Variants in PCSK6 observed in about 807,000 individuals in gnomAD.
PCSK6 encodes the protein proprotein convertase subtilisin/kexin type 6.
Under a neutral mutation model 123.3 loss-of-function variants are expected in PCSK6, and 85 were observed. That is an observed-to-expected ratio of 0.69 (90% CI 0.58 to 0.83). PCSK6 has a LOEUF of 0.83. Ranked by LOEUF, PCSK6 falls within the 40% of genes least tolerant of loss-of-function variation. PCSK6 has a pLI of 0.00. For synonymous variants in PCSK6, 508 were observed against 516.0 expected, an observed-to-expected ratio of 0.98 and a Z score of 0.21; for missense variants, 1,191 against 1,282.3, an observed-to-expected ratio of 0.93 and a Z score of 1.09.
intron 6 of PCSK6, among the ~76,000 whole-genome samples, chr15:101,414,917 AC>A (rs2055833641): frequency 6.6e-6 from 1 of 152,240 alleles, no homozygotes; most frequent in Non-Finnish European, 1.5e-5. Context: ...TGCTTATAAA[AC>A]CAACATTAGA....
At chr15:101,454,877 G>A (rs61652817) in intron 1 of PCSK6, among the ~76,000 whole-genome samples, 2,810 of 152,098 alleles carry the variant, frequency 0.018, 92 homozygotes, top group African/African-American at 0.064. Context: ...CCCAGGAGGC[G>A]GAGGTTGCAG....
chr15:101,400,145 C>A (rs1206312135), intron 6 of PCSK6, among the ~76,000 whole-genome samples: 1 of 152,244 alleles, frequency 6.6e-6, no homozygotes, highest in Non-Finnish European at 1.5e-5. Flanking sequence ...CCACCTCAGC[C>A]TCCCGAGTAG....
chr15:101,379,791 G>A (rs1311585910), intron 11 of PCSK6, among the ~76,000 whole-genome samples: 4 of 152,214 alleles, frequency 2.6e-5, no homozygotes, highest in East Asian at 1.9e-4. Flanking sequence ...GGGAAAACTC[G>A]CATAGCTGTG....
In PCSK6 at chr15:101,378,143, C is replaced by A. The variant is rs190582439; in HGVS notation, c.1532+3949G>T. On this transcript the variant is annotated intron_variant, in intron 11 of 21. Coordinates refer to ENST00000611716, the MANE Select transcript of PCSK6 (RefSeq NM_002570.5). ...TAATACTAAGCTTAATTTTCTTTTT[C>A]ATTTGAAGAAAAGATATAAAAATAT... 3.4e-3 allele frequency among the ~76,000 whole-genome samples: 525 copies of A among 152,312 alleles called. 1 individual carries two copies. The highest frequency in any genetic ancestry group is 5.4e-3 in the Non-Finnish European group (367 of 68,008).
At chr15:101,390,638 G>A (rs1415172619) in intron 8 of PCSK6, among the ~76,000 whole-genome samples, 1 of 152,166 alleles carries the variant, frequency 6.6e-6, no homozygotes, top group Non-Finnish European at 1.5e-5. Context: ...CCAGCTGACA[G>A]CCCACAAGGA....
chr15:101,439,058 T>G (rs964161762), intron 2 of PCSK6, among the ~76,000 whole-genome samples: 2 of 151,986 alleles, frequency 1.3e-5, no homozygotes, highest in Non-Finnish European at 2.9e-5. Context: ...GGGGCAAGGA[T>G]GCCCACATGA....
rs575682660 is a variant in PCSK6 at position 101,318,301 on chromosome 15, C to T, written c.2569+18G>A. 2.6e-5 allele frequency: 40 copies of T among 1,539,922 alleles called. No homozygotes were observed. The highest frequency in any genetic ancestry group is 6.9e-5 in the African/African-American group (5 of 72,920). ...TTGGGTGACGCTGGCCCGAGGCCTC[C>T]GCAGGCGGTGAACTCACCCACGCAG... On this transcript the variant is annotated intron_variant, in intron 19 of 21. Coordinates refer to ENST00000611716, the MANE Select transcript of PCSK6 (RefSeq NM_002570.5).
chr15:101,422,440 G>C (rs1291170536), intron 6 of PCSK6, among the ~76,000 whole-genome samples: 2 of 152,118 alleles, frequency 1.3e-5, no homozygotes, highest in Non-Finnish European at 2.9e-5. Context: ...TAGAGGTCTG[G>C]GTTTAAACAT....
chr15:101,328,620 C>A (rs906791276), intron 15 of PCSK6, among the ~76,000 whole-genome samples: 1 of 152,110 alleles, frequency 6.6e-6, no homozygotes, highest in East Asian at 1.9e-4. Context: ...ACCCCCCACC[C>A]CTGTTCCTGG....
At chr15:101,392,108 C>T (rs1027708673) in intron 8 of PCSK6, among the ~76,000 whole-genome samples, 23 of 152,304 alleles carry the variant, frequency 1.5e-4, no homozygotes, top group African/African-American at 5.3e-4. Context: ...TTCGAACCTG[C>T]ATCCATTCGG....
chr15:101,364,206 T>A (rs1378225079), intron 13 of PCSK6, among the ~76,000 whole-genome samples: 2 of 152,134 alleles, frequency 1.3e-5, no homozygotes, highest in Non-Finnish European at 2.9e-5. Flanking sequence ...GCAGACTGCA[T>A]CTTCACAGAA....
chr15:101,316,212 G>A (rs1040760570), intron 19 of PCSK6: 1 of 152,310 alleles, frequency 6.6e-6, no homozygotes, highest in Non-Finnish European at 1.5e-5. Context: ...TCTCTCCCAA[G>A]AGGCTGCCAG....
At position 101,484,424 on chromosome 15, in the gene PCSK6, G is replaced by A. The variant is rs115528961; in HGVS notation, c.297+4950C>T. On this transcript the variant is annotated intron_variant, in intron 1 of 21. Coordinates refer to ENST00000611716, the MANE Select transcript of PCSK6 (RefSeq NM_002570.5). ...TTTGAGACAGAGTTTCACTCTACTCGTCGGCCAGACTGGAGTGCAGTCCTG... is the reference window on the plus strand; with the variant it reads ...TTTGAGACAGAGTTTCACTCTACTCATCGGCCAGACTGGAGTGCAGTCCTG... 3.1e-3 allele frequency among the ~76,000 whole-genome samples: 466 copies of A among 151,988 alleles called. 5 individuals carry two copies. The highest frequency in any genetic ancestry group is 0.01 in the African/African-American group (432 of 41,284).
chr15:101,399,286 T>C (rs2141578071), intron 6 of PCSK6, among the ~76,000 whole-genome samples: 1 of 152,342 alleles, frequency 6.6e-6, no homozygotes, highest in Admixed American at 6.5e-5. Flanking sequence ...CTCTCCTTTA[T>C]AATTCCACTC....
chr15:101,427,171 G>A (rs916087759), intron 6 of PCSK6, among the ~76,000 whole-genome samples: 12 of 152,242 alleles, frequency 7.9e-5, no homozygotes, highest in African/African-American at 1.2e-4. Flanking sequence ...ACTGAGCAGT[G>A]TGAGAAGCTA....
chr15:101,356,054 T>C (rs1349292761), intron 13 of PCSK6, among the ~76,000 whole-genome samples: 1 of 152,210 alleles, frequency 6.6e-6, no homozygotes, highest in Non-Finnish European at 1.5e-5. Flanking sequence ...CGTGGGAGAA[T>C]GAAGCATACA....
chr15:101,391,213 T>C (rs1191218650), intron 8 of PCSK6, among the ~76,000 whole-genome samples: 1 of 152,204 alleles, frequency 6.6e-6, no homozygotes, highest in South Asian at 2.1e-4. Context: ...GACTCCAGCA[T>C]CTTCATATGC....
Position 101,428,079 on chromosome 15 carries a change from G to A in PCSK6, c.735-99C>T, listed in dbSNP as rs552713925. 2.7e-4 allele frequency: 257 copies of A among 964,060 alleles called. No homozygotes were observed. The South Asian group carries it at 3.5e-3, about 13-fold the overall frequency. 59.7% of individuals were successfully genotyped at this position (964,060 alleles called of 1,614,324 possible). A position where few individuals can be genotyped will look rare whatever the true frequency, so the allele number is the denominator to read the frequency against. Reference sequence around the variant, plus strand: ...AATGCAACAAGAGAGTCAGTTGTCCGAAGCCCAGAGATGTCATTAAAGCCC... The same window carrying A: ...AATGCAACAAGAGAGTCAGTTGTCCAAAGCCCAGAGATGTCATTAAAGCCC... On this transcript the variant is annotated intron_variant, in intron 5 of 21. Coordinates refer to ENST00000611716, the MANE Select transcript of PCSK6 (RefSeq NM_002570.5).
In PCSK6 at chr15:101,403,188, G is replaced by T. The variant is rs1008441299; in HGVS notation, c.824-4612C>A. On this transcript the variant is annotated intron_variant, in intron 6 of 21. Transcript: ENST00000611716. ...TCGCAAGGACAAAAAACCAAACACC[G>T]CATGTTCTCACTCATAGGTGGGAAT... Among the ~76,000 whole-genome samples the T allele has an allele frequency of 3.3e-4, 48 of 146,296 alleles. 2 individuals are homozygous for T. Among genetic ancestry groups the T allele is most frequent in the South Asian group, 2.2e-4 (1 of 4,592 alleles).
Sources: gnomAD v4.1 joint callset for allele counts (sites outside exome capture counted in the v4.1 genomes callset) on GRCh38, gnomAD v4.1.1 for gene constraint, MANE v1.5 for transcripts, NCBI Gene and HGNC (gene_info 2026-07-23, HGNC 2026-07-21) for gene names.